The following FARS2 variants were observed in gnomAD, a reference collection of about 807,000 sequenced individuals.
FARS2 encodes phenylalanine--tRNA ligase, mitochondrial.
A neutral mutation model predicts 46.4 loss-of-function variants in FARS2; 40 were observed. The ratio of observed to expected loss-of-function variants is 0.86; its 90% CI spans 0.67 to 1.12. The LOEUF (loss-of-function observed/expected upper bound fraction) is 1.12. Ranked by LOEUF, FARS2 falls within the 50% of genes most tolerant of loss-of-function variation. The pLI is 0.00. For synonymous variants in FARS2, 234 were observed against 214.9 expected (o/e 1.09, Z -0.78); for missense variants, 513 against 567.9 (o/e 0.90, Z 0.98).
chr6:5,689,847 G>A (rs917784267), intron 6 of FARS2, among the ~76,000 whole-genome samples: 6 of 152,062 alleles, frequency 3.9e-5, no homozygotes, highest in African/African-American at 9.7e-5. Flanking sequence ...TCTCTTTGTA[G>A]GTCTCTAAGG....
intron 1 of FARS2, among the ~76,000 whole-genome samples, chr6:5,339,450 A>G (rs1362842841): frequency 6.7e-6 from 1 of 150,122 alleles, no homozygotes; most frequent in Non-Finnish European, 1.5e-5. Flanking sequence ...TTTTTTTGAG[A>G]CGGAGTCTCA....
At chr6:5,539,398 A>ATATATATATATATATATATATATATG (rs1554106818) in intron 4 of FARS2, among the ~76,000 whole-genome samples, 2 of 142,208 alleles carry the variant, frequency 1.4e-5, no homozygotes, top group African/African-American at 2.7e-5. Context: ...ATATATATAT[A>ATATATATATATATATATATATATATG]TGTATATATT....
At chr6:5,438,649 G>A (rs140200136) in intron 4 of FARS2, among the ~76,000 whole-genome samples, 10 of 152,038 alleles carry the variant, frequency 6.6e-5, no homozygotes, top group African/African-American at 9.6e-5. Flanking sequence ...TTAAATACAT[G>A]TTGAATATCC....
At chr6:5,482,271 A>C (rs1446055374) in intron 4 of FARS2, among the ~76,000 whole-genome samples, 1 of 152,098 alleles carries the variant, frequency 6.6e-6, no homozygotes, top group East Asian at 1.9e-4. Context: ...TCTTTCAATT[A>C]TTTTGGCAGA....
chr6:5,642,815 G>A (rs551197714), intron 6 of FARS2, among the ~76,000 whole-genome samples: 7 of 152,326 alleles, frequency 4.6e-5, no homozygotes, highest in African/African-American at 1.7e-4. Context: ...TCTTAGGGCA[G>A]GCACAGAAAG....
chr6:5,638,768 G>A (rs1328635390), intron 6 of FARS2, among the ~76,000 whole-genome samples: 4 of 152,170 alleles, frequency 2.6e-5, no homozygotes, highest in Admixed American at 6.5e-5. Context: ...ACGACTGTCT[G>A]TGGCATGTTC....
intron 6 of FARS2, 135 bp downstream of exon 6, chr6:5,613,455 G>C (rs1333791540): frequency 3.2e-6 from 2 of 625,856 alleles, no homozygotes; most frequent in Admixed American, 3.4e-5. Context: ...TGAATGTATA[G>C]CTTATCAGAA....
chr6:5,260,452 A>T (rs1486132876), upstream of FARS2, among the ~76,000 whole-genome samples: 12 of 152,250 alleles, frequency 7.9e-5, no homozygotes, highest in Admixed American at 7.9e-4. Context: ...GTAGAAAGAA[A>T]GGCTCCTCCC....
At chr6:5,634,639 T>C (rs1169665815) in intron 6 of FARS2, among the ~76,000 whole-genome samples, 1 of 152,232 alleles carries the variant, frequency 6.6e-6, no homozygotes, top group Non-Finnish European at 1.5e-5. Flanking sequence ...GTACTTTAGG[T>C]ACCAGCTGTA....
intron 6 of FARS2, among the ~76,000 whole-genome samples, chr6:5,755,488 C>T (rs905315031): frequency 3.3e-5 from 5 of 152,184 alleles, no homozygotes; most frequent in Non-Finnish European, 7.3e-5. Context: ...TGGTTTCCAG[C>T]TTCATCCATG....
chr6:5,680,066 T>C lies in FARS2; in HGVS notation c.1217+66746T>C, dbSNP rs532216899. On this transcript the variant is annotated intron_variant, in intron 6 of 6. Coordinates refer to ENST00000274680, the MANE Select transcript of FARS2 (RefSeq NM_006567.5). The stretch of plus-strand genomic sequence containing the variant: ...CCAGGTATATGTCCACAGCAATCTT[T>C]CCTTCTTGCTACATAATCACAGTTA... 5.3e-5 allele frequency among the ~76,000 whole-genome samples: 8 copies of C among 152,372 alleles called. No homozygotes were observed. In the East Asian group the frequency reaches 1.3e-3, roughly 26 times the overall value.
intron 6 of FARS2, among the ~76,000 whole-genome samples, chr6:5,739,909 A>G (rs1424013104): frequency 2.6e-5 from 4 of 152,186 alleles, no homozygotes; most frequent in African/African-American, 9.7e-5. Context: ...TGCTTGCATC[A>G]TTTGATTTAA....
chr6:5,260,535 C>T, upstream of FARS2: 1 of 1,413,934 alleles, frequency 7.1e-7, no homozygotes, highest in Non-Finnish European at 9.5e-7. Context: ...TGCCTCGCAG[C>T]CGCCGGCAAA....
chr6:5,601,809 GA>G (rs1295615310), intron 5 of FARS2, among the ~76,000 whole-genome samples: 1 of 152,154 alleles, frequency 6.6e-6, no homozygotes, highest in Non-Finnish European at 1.5e-5. Flanking sequence ...CACAAACGGT[GA>G]CCATTGGTAA....
At chr6:5,734,926 G>A (rs575570774) in intron 6 of FARS2, among the ~76,000 whole-genome samples, 1 of 152,312 alleles carries the variant, frequency 6.6e-6, no homozygotes, top group South Asian at 2.1e-4. Context: ...GTATCTAGCT[G>A]TAGGTAGTTA....
At chr6:5,587,672 A>G (rs1561733665) in intron 5 of FARS2, among the ~76,000 whole-genome samples, 2 of 152,224 alleles carry the variant, frequency 1.3e-5, no homozygotes, top group Non-Finnish European at 2.9e-5. Flanking sequence ...CCTGAAACGA[A>G]TATTTCCCTA....
chr6:5,472,667 T>C (rs1021052917), intron 4 of FARS2, among the ~76,000 whole-genome samples: 2 of 152,316 alleles, frequency 1.3e-5, no homozygotes, highest in East Asian at 3.9e-4. Context: ...ATCAGGTCTC[T>C]CCATTTAATG....
At chr6:5,701,974 A>C (rs1683059331) in intron 6 of FARS2, among the ~76,000 whole-genome samples, 1 of 152,230 alleles carries the variant, frequency 6.6e-6, no homozygotes, top group African/African-American at 2.4e-5. Context: ...CAGATACAAA[A>C]TACAGCAGCA....
chr6:5,422,764 C>CATACTGTAAATGT (rs1762626501), intron 3 of FARS2, among the ~76,000 whole-genome samples: 2 of 152,074 alleles, frequency 1.3e-5, no homozygotes, highest in Admixed American at 6.6e-5. Context: ...TGTCAGTTAC[C>CATACTGTAAATGT]CAGGAACACA....
Sources: gnomAD v4.1 joint callset for allele counts (sites outside exome capture counted in the v4.1 genomes callset) on GRCh38, gnomAD v4.1.1 for gene constraint, MANE v1.5 for transcripts, NCBI Gene and HGNC (gene_info 2026-07-23, HGNC 2026-07-21) for gene names.